KLHL3: variants seen among roughly 807,000 people sequenced by gnomAD.
The protein encoded by KLHL3 is kelch-like protein 3.
In KLHL3, 19 loss-of-function variants were observed where a neutral mutation model predicts 70.5. That is an observed-to-expected ratio of 0.27 (90% CI 0.19 to 0.40). The LOEUF is 0.40. Among genes scored for constraint, KLHL3 ranks in the 10% least tolerant of loss-of-function variants. The pLI is 1.00. For missense variants in KLHL3, 512 were observed against 771.1 expected, an observed-to-expected ratio of 0.66 and a Z score of 3.98; for synonymous variants, 258 against 290.3, an observed-to-expected ratio of 0.89 and a Z score of 1.13.
At position 137,735,735 on chromosome 5, in the gene KLHL3, T is replaced by G. The variant is rs537740007; in HGVS notation, c.-89A>C. The G allele has an allele frequency of 6.3e-7, 1 of 1,575,998 alleles. No individual in the cohort carries two copies. ...GTTCTTGATTCTCCCAGCAGACCAG[T>G]GGGAAATCTGATCAGCAACAGTGAT... On this transcript the variant is annotated 5_prime_UTR_variant, in exon 1 of 15. Transcript: ENST00000309755.
intron 6 of KLHL3, among the ~76,000 whole-genome samples, chr5:137,669,956 G>A (rs889055879): frequency 3.3e-5 from 5 of 152,082 alleles, no homozygotes; most frequent in African/African-American, 4.8e-5. Context: ...AGGGTGCCTA[G>A]GCCACAGGCT....
rs188042516 is a variant in KLHL3, at chr5:137,707,795, A to G, written c.241+1955T>C. Among the ~76,000 whole-genome samples, 22 of 152,204 alleles carry G rather than the reference A, an allele frequency of 1.4e-4. No individual in the cohort carries two copies. The East Asian group carries it at 4.3e-3, about 29-fold the overall frequency. ...TGCCCCAGAAGCACTTTTTCTTCCA[A>G]TTTGTAAAATCACTTTGGTTTTGCT... On this transcript the variant is annotated intron_variant, in intron 3 of 14. Transcript: ENST00000309755.
Position 137,735,769 on chromosome 5 carries a change from G to T in KLHL3, c.-123C>A. On this transcript the variant is annotated 5_prime_UTR_variant, in exon 1 of 15. Transcript: ENST00000309755. ...TGATCAGCAACAGTGATTCAGCATG[G>T]CTGCAAGTGAAGCCTCCTCCCTTCT... 7.4e-7 allele frequency: 1 copy of T among 1,350,312 alleles called. No homozygotes were observed. The highest frequency in any genetic ancestry group is 1.1e-6 in the Non-Finnish European group (1 of 941,160). 83.6% of individuals were successfully genotyped at this position (1,350,312 alleles called of 1,614,324 possible).
intron 3 of KLHL3, among the ~76,000 whole-genome samples, chr5:137,704,255 G>T (rs901226501): frequency 1.3e-5 from 2 of 152,012 alleles, no homozygotes; most frequent in Non-Finnish European, 2.9e-5. Context: ...CGCGGTGGCG[G>T]GCGCCTGTAG....
chr5:137,690,711 G>A (rs571797230), intron 5 of KLHL3, among the ~76,000 whole-genome samples: 1 of 152,270 alleles, frequency 6.6e-6, no homozygotes, highest in Non-Finnish European at 1.5e-5. Context: ...TAATCAGAGA[G>A]AAAAAGCATG....
At chr5:137,684,123 C>T (rs1038187240) in intron 5 of KLHL3, among the ~76,000 whole-genome samples, 3 of 152,198 alleles carry the variant, frequency 2.0e-5, no homozygotes, top group Admixed American at 6.5e-5. Flanking sequence ...GGCACTGCCA[C>T]TTATAAGCTG....
chr5:137,668,169 G>A (rs1751659343), intron 6 of KLHL3, among the ~76,000 whole-genome samples: 3 of 152,160 alleles, frequency 2.0e-5, no homozygotes, highest in Admixed American at 1.3e-4. Context: ...GTGGGAGGCC[G>A]AGGAGGCCAA....
intron 7 of KLHL3, chr5:137,661,107 TAA>T (rs1751462383): frequency 6.6e-6 from 1 of 152,342 alleles, no homozygotes; most frequent in African/African-American, 2.4e-5. Flanking sequence ...CTGTATAAAA[TAA>T]GTCACGTAAT....
chr5:137,721,258 A>T (rs533446637), intron 1 of KLHL3: 1 of 152,332 alleles, frequency 6.6e-6, no homozygotes. Flanking sequence ...GAAAAAGCAC[A>T]AAGTGTGTTC....
Position 137,617,880 on chromosome 5 carries a change from G to A in KLHL3, c.*4218C>T, listed in dbSNP as rs981718597. 4 of 152,262 alleles carry A rather than the reference G, an allele frequency of 2.6e-5. No homozygotes were observed. Among genetic ancestry groups the A allele is most frequent in the Non-Finnish European group, 4.4e-5 (3 of 68,036 alleles). The allele number at this position is 152,262 out of a possible 1,614,324, so 9.4% of individuals were successfully genotyped here. ...TCTATTGCCACTGAAAATGAGGGGAGGGGAGGATGGGGGAGCGAATAATTT... is the reference window on the plus strand; with the variant it reads ...TCTATTGCCACTGAAAATGAGGGGAAGGGAGGATGGGGGAGCGAATAATTT... On this transcript the variant is annotated 3_prime_UTR_variant, in exon 15 of 15. Transcript: ENST00000309755.
chr5:137,627,033 A>C (rs938948504), intron 13 of KLHL3, among the ~76,000 whole-genome samples: 2 of 152,164 alleles, frequency 1.3e-5, no homozygotes, highest in African/African-American at 4.8e-5. Flanking sequence ...TTTTATTCTA[A>C]AGAAATAATT....
chr5:137,727,740 G>A (rs1753107859), intron 1 of KLHL3, among the ~76,000 whole-genome samples: 1 of 152,010 alleles, frequency 6.6e-6, no homozygotes, highest in Non-Finnish European at 1.5e-5. Context: ...TGGGAAACTA[G>A]GTTAGTTTCC....
In KLHL3 at chr5:137,621,849, A is replaced by T. The variant is rs953318372; in HGVS notation, c.*249T>A. 3.5e-6 allele frequency: 2 copies of T among 569,864 alleles called. No individual in the cohort carries two copies. The highest frequency in any genetic ancestry group is 3.7e-5 in the African/African-American group (2 of 53,354). The allele number at this position is 569,864 out of a possible 1,614,324, so 35.3% of individuals were successfully genotyped here. On this transcript the variant is annotated 3_prime_UTR_variant, in exon 15 of 15. Transcript: ENST00000309755. Reference sequence around the variant, plus strand: ...TGTAGAAACACCAAAACAAAGCCCAAAGGTGCTGCCTGGGGATGTCAAGAC... The same window carrying T: ...TGTAGAAACACCAAAACAAAGCCCATAGGTGCTGCCTGGGGATGTCAAGAC...
chr5:137,658,389 AC>A, intron 7 of KLHL3, 109 bp from the exon 8 acceptor site: 1 of 1,033,890 alleles, frequency 9.7e-7, no homozygotes, highest in Non-Finnish European at 1.5e-6. Flanking sequence ...TCATTCCTTC[AC>A]CACATCATCT....
chr5:137,715,287 T>C (rs556294420), intron 2 of KLHL3, among the ~76,000 whole-genome samples: 38 of 152,286 alleles, frequency 2.5e-4, no homozygotes, highest in Middle Eastern at 3.4e-3. Flanking sequence ...CTAAAATAGC[T>C]TAAAATTAAG....
Position 137,679,373 on chromosome 5 carries a change from G to A in KLHL3, c.527-1719C>T, listed in dbSNP as rs573256457. Among the ~76,000 whole-genome samples, 12 of 152,262 alleles carry A rather than the reference G, an allele frequency of 7.9e-5. No individual in the cohort carries two copies. In the East Asian group the frequency reaches 9.7e-4, roughly 12 times the overall value. ...GACCAGCCACAGCTGAGCTCAGCAG[G>A]ACCACACGGTTCTCAGGAGAGTCCT... On this transcript the variant is annotated intron_variant, in intron 5 of 14. Transcript: ENST00000309755.
intron 4 of KLHL3, among the ~76,000 whole-genome samples, chr5:137,693,861 CT>C (rs35666397): frequency 0.018 from 2,587 of 143,544 alleles, 50 homozygotes; most frequent in African/African-American, 0.044. Context: ...AAAAAGACTT[CT>C]TTTTTTTTTT....
At chr5:137,641,148 A>G (rs1750904983) in intron 8 of KLHL3, among the ~76,000 whole-genome samples, 1 of 152,248 alleles carries the variant, frequency 6.6e-6, no homozygotes, top group African/African-American at 2.4e-5. Context: ...GTACAAATTC[A>G]TAGCTGTCCC....
chr5:137,653,086 CAA>C (rs879897866), intron 8 of KLHL3: 7 of 131,186 alleles, frequency 5.3e-5, no homozygotes, highest in Admixed American at 7.7e-5. Context: ...ACTAAAAATA[CAA>C]AAAAAAAAAA....
Sources: allele counts gnomAD v4.1 joint callset (sites outside exome capture counted in the v4.1 genomes callset), GRCh38; gene constraint gnomAD v4.1.1; transcripts MANE v1.5; gene names NCBI Gene and HGNC (gene_info 2026-07-23, HGNC 2026-07-21).